DICER1: variants seen among roughly 807,000 people sequenced by gnomAD.
The protein encoded by DICER1 is dicer 1, ribonuclease III, also known as endoribonuclease Dicer.
A neutral mutation model predicts 194.1 loss-of-function variants in DICER1; 43 were observed. The observed-to-expected ratio is 0.22, with a 90% CI of 0.17 to 0.29. DICER1 has a LOEUF of 0.29. Ranked by LOEUF, DICER1 falls within the 10% of genes least tolerant of loss-of-function variation. The pLI is 1.00. For missense variants in DICER1, 1,608 were observed against 2,317.0 expected, an observed-to-expected ratio of 0.69 and a Z score of 6.28; for synonymous variants, 832 against 820.5, an observed-to-expected ratio of 1.01 and a Z score of -0.24.
intron 11 of DICER1, 73 bp from the exon 12 acceptor site, chr14:95,113,297 A>C: frequency 6.9e-7 from 1 of 1,448,246 alleles, no homozygotes; most frequent in Non-Finnish European, 9.7e-7. Flanking sequence ...CTCGAGTTTG[A>C]TTTGTCATGT....
chr14:95,119,304 A>G (rs1205360519), intron 8 of DICER1, among the ~76,000 whole-genome samples: 1 of 152,244 alleles, frequency 6.6e-6, no homozygotes, highest in East Asian at 1.9e-4. Context: ...AATGAAACCC[A>G]CATCAAAACC....
intron 12 of DICER1, 75 bp from the exon 13 acceptor site, chr14:95,112,322 A>C: frequency 8.6e-7 from 1 of 1,158,224 alleles, no homozygotes; most frequent in Non-Finnish European, 1.3e-6. Context: ...CACCTATGAA[A>C]CCACTGCCCC....
Position 95,124,439 on chromosome 14 carries a change from A to G in DICER1, c.1133T>C (p.Ile378Thr). 6.2e-7 allele frequency: 1 copy of G among 1,614,156 alleles called. No individual in the cohort carries two copies. Among genetic ancestry groups the G allele is most frequent in the Non-Finnish European group, 8.5e-7 (1 of 1,180,008 alleles). ...TTTGCGTAAGATTTCGAGCAGTTTG[A>G]TTACTTTAGGAGTTACAAATTTCAG... ...LDLKFVTPKV[I>T]KLLEILRKYK... The change falls in exon 8 of 27, where the codon ATC becomes ACC. Residue 378 changes from isoleucine (I) to threonine (T), a missense_variant. By Grantham distance (89) the Ile-to-Thr change is moderately conservative (BLOSUM62 -1). Transcript: ENST00000343455. The surrounding 1 kb of genome is among the most constrained non-coding windows in gnomAD (Gnocchi z 4.5).
chr14:95,095,792 C>G, intron 23 of DICER1, 33 bp downstream of exon 23: 1 of 1,610,802 alleles, frequency 6.2e-7, no homozygotes, highest in South Asian at 1.1e-5. Flanking sequence ...GTCTCATTTT[C>G]CCAGAAATGA....
chr14:95,103,327 T>C lies in DICER1; in HGVS notation c.4050+19A>G. ...ACACTGAATAATTAACTGCTCAAAA[T>C]AAAAAAATCATCTCTTACCTTTTTG... is the stretch of plus-strand genomic sequence containing the variant. On this transcript the variant is annotated intron_variant, in intron 21 of 26. Transcript: ENST00000343455. 6.2e-7 allele frequency: 1 copy of C among 1,612,566 alleles called. No individual in the cohort carries two copies. The highest frequency in any genetic ancestry group is 8.5e-7 in the Non-Finnish European group (1 of 1,178,672).
At chr14:95,106,015 CAA>C in intron 18 of DICER1, 24 bp downstream of exon 18, 4 of 1,612,114 alleles carry the variant, frequency 2.5e-6, no homozygotes, top group Non-Finnish European at 3.4e-6. Context: ...AAGTGCAATC[CAA>C]GTGTCATCTC....
At chr14:95,140,957 T>C (rs927038083) in intron 1 of DICER1, among the ~76,000 whole-genome samples, 1 of 152,058 alleles carries the variant, frequency 6.6e-6, no homozygotes, top group Admixed American at 6.5e-5. Flanking sequence ...TAAGCTACAA[T>C]AGCATGCCTA....
rs2140201278 is a variant in DICER1 at position 95,124,251 on chromosome 14, T to C, written c.1321A>G (p.Ile441Val). The C allele has an allele frequency of 1.2e-6, 2 of 1,614,018 alleles. No homozygotes were observed. The highest frequency in any genetic ancestry group is 1.3e-5 in the African/African-American group (1 of 75,048). Residue 441 changes from isoleucine to valine, a missense_variant, in exon 8 of 27, where the codon ATT becomes GTT. Ile to Val is a conservative substitution (Grantham distance 29). Around this residue, in one of 10 missense-constraint regions of DICER1, gnomAD observed 657 missense variants for 910.1 expected, o/e 0.72. Transcript: ENST00000343455. The surrounding 1 kb of genome is among the most constrained non-coding windows in gnomAD (Gnocchi z 4.5). Reference protein sequence around the residue: ...ETNFPSPFTNILCGIIFVERR... With the variant: ...ETNFPSPFTNVLCGIIFVERR... ...TCCACAAAAATAATTCCGCACAAAA[T>C]GTTGGTAAAAGGAGAAGGAAAATTT...
At position 95,133,729 on chromosome 14, in the gene DICER1, G is replaced by T. The variant is rs116783945; in HGVS notation, c.-45-226C>A. 5.1e-3 allele frequency among the ~76,000 whole-genome samples: 782 copies of T among 152,222 alleles called. 3 individuals carry two copies. Among genetic ancestry groups the T allele is most frequent in the African/African-American group, 0.017 (724 of 41,532 alleles). Reference sequence around the variant, plus strand: ...AAATTTGTCTTAAAGAATGAATCAAGCAACTTCACAAAGAGATGTACATGA... The same window carrying T: ...AAATTTGTCTTAAAGAATGAATCAATCAACTTCACAAAGAGATGTACATGA... On this transcript the variant is annotated intron_variant, in intron 1 of 26. Transcript: ENST00000343455.
At chr14:95,132,288 C>G (rs1168600073) in intron 3 of DICER1, among the ~76,000 whole-genome samples, 1 of 152,158 alleles carries the variant, frequency 6.6e-6, no homozygotes, top group Non-Finnish European at 1.5e-5. Context: ...TGTTCCAATA[C>G]TTATGTTCCA....
chr14:95,116,264 T>C (rs1892454831), intron 10 of DICER1, among the ~76,000 whole-genome samples, 189 bp downstream of exon 10: 1 of 152,216 alleles, frequency 6.6e-6, no homozygotes, highest in African/African-American at 2.4e-5. Flanking sequence ...TTCAAACACT[T>C]TGTATAACAC....
At position 95,115,824 on chromosome 14, in the gene DICER1, G is replaced by A. The variant is rs1595407321; in HGVS notation, c.1753-3C>T. The A allele has an allele frequency of 6.2e-7, 1 of 1,613,886 alleles. No homozygotes were observed. Among genetic ancestry groups the A allele is most frequent in the Non-Finnish European group, 8.5e-7 (1 of 1,179,860 alleles). On this transcript the variant is annotated splice_polypyrimidine_tract_variant and splice_region_variant and intron_variant, in intron 10 of 26. Coordinates refer to ENST00000343455, the MANE Select transcript of DICER1 (RefSeq NM_177438.3). ...TTGGAACACTTGTTTCTCAAGATCTGAACATTTAAAAAACAGAACTTATGA... is the reference window on the plus strand; with the variant it reads ...TTGGAACACTTGTTTCTCAAGATCTAAACATTTAAAAAACAGAACTTATGA...
At position 95,117,771 on chromosome 14, in the gene DICER1, C is replaced by G. The variant is rs1296366186; in HGVS notation, c.1377-17G>C. 1 of 1,612,750 alleles carries G rather than the reference C, an allele frequency of 6.2e-7. No homozygotes were observed. Among genetic ancestry groups the G allele is most frequent in the Non-Finnish European group, 8.5e-7 (1 of 1,179,214 alleles). On this transcript the variant is annotated splice_polypyrimidine_tract_variant and intron_variant, in intron 8 of 26. Transcript: ENST00000343455. ...TTTATCAATCTAAGAAAATTATACACATTTGGAAGTTAAACGTTGCTGAAA... is the reference window on the plus strand; with the variant it reads ...TTTATCAATCTAAGAAAATTATACAGATTTGGAAGTTAAACGTTGCTGAAA...
At chr14:95,109,510 A>G (rs1891761095) in intron 14 of DICER1, among the ~76,000 whole-genome samples, 4 of 152,208 alleles carry the variant, frequency 2.6e-5, no homozygotes, top group Admixed American at 2.6e-4. Flanking sequence ...CTGGGATCAC[A>G]GGTGTGAACC....
chr14:95,116,764 A>G, intron 9 of DICER1, 69 bp from the exon 10 acceptor site: 5 of 1,488,970 alleles, frequency 3.4e-6, no homozygotes, highest in South Asian at 2.3e-5. Flanking sequence ...AAAAATTAGT[A>G]AAAGTAAATG....
In DICER1 at chr14:95,088,032, T is replaced by C. The variant is rs902208967; in HGVS notation, c.*2466A>G. 5 of 233,004 alleles carry C rather than the reference T, an allele frequency of 2.1e-5. No individual in the cohort carries two copies. Among genetic ancestry groups the C allele is most frequent in the African/African-American group, 1.1e-4 (5 of 45,318 alleles). 14.4% of individuals were successfully genotyped at this position (233,004 alleles called of 1,614,324 possible). A position where few individuals can be genotyped will look rare whatever the true frequency, so the allele number is the denominator to read the frequency against. ...CAAAAGCGTTCATAACCATTTCATATGTCTAACTCGTACTTTTTTATTTTT... is the reference window on the plus strand; with the variant it reads ...CAAAAGCGTTCATAACCATTTCATACGTCTAACTCGTACTTTTTTATTTTT... On this transcript the variant is annotated 3_prime_UTR_variant, in exon 27 of 27. Transcript: ENST00000343455.
Position 95,153,118 on chromosome 14 carries a change from G to A in DICER1, c.-46+4112C>T, listed in dbSNP as rs548685659. ...TGTAGTCCCAGCTACTCGGGAGGCT[G>A]AGGCAGGAGAATGGCATGAGCCCAG... On this transcript the variant is annotated intron_variant, in intron 1 of 26. Coordinates refer to ENST00000343455, the MANE Select transcript of DICER1 (RefSeq NM_177438.3). Among the ~76,000 whole-genome samples, 6 of 152,144 alleles carry A rather than the reference G, an allele frequency of 3.9e-5. No individual in the cohort carries two copies. In the South Asian group the frequency reaches 1.2e-3, roughly 32 times the overall value.
At chr14:95,156,442 C>A (rs998610377) in intron 1 of DICER1, among the ~76,000 whole-genome samples, 1 of 152,234 alleles carries the variant, frequency 6.6e-6, no homozygotes, top group Non-Finnish European at 1.5e-5. Context: ...CAACTCATCT[C>A]CACGTTTCCG....
At position 95,108,022 on chromosome 14, in the gene DICER1, G is replaced by A. The variant is rs2140025594; in HGVS notation, c.2508C>T (p.Phe836=). Residue 836 remains phenylalanine (F), a synonymous_variant, in exon 16 of 27, where the codon TTC becomes TTT. Coordinates refer to ENST00000343455, the MANE Select transcript of DICER1 (RefSeq NM_177438.3). The part of the protein sequence containing the change: ...TISIELKKSG[F]MLSLQMLELI... Reference sequence around the variant, plus strand: ...ACTCAAGCATTTGTAGAGACAACATGAAACCAGACTTCTTCAACTCAATGG... The same window carrying A: ...ACTCAAGCATTTGTAGAGACAACATAAAACCAGACTTCTTCAACTCAATGG... The A allele has an allele frequency of 6.2e-7, 1 of 1,613,696 alleles. No homozygotes were observed. Among genetic ancestry groups the A allele is most frequent in the East Asian group, 2.2e-5 (1 of 44,856 alleles).
Sources: gnomAD v4.1 joint callset for allele counts (sites outside exome capture counted in the v4.1 genomes callset) on GRCh38, gnomAD v4.1.1 for gene constraint, gnomAD v4.1.1 regional missense constraint, Gnocchi (gnomAD v3.1) non-coding constraint, MANE v1.5 for transcripts, NCBI Gene and HGNC (gene_info 2026-07-23, HGNC 2026-07-21) for gene names.